The following RBM20 variants were observed in gnomAD, a reference collection of about 807,000 sequenced individuals.
The protein encoded by RBM20 is RNA binding motif protein 20.
A neutral mutation model predicts 110.1 loss-of-function variants in RBM20; 51 were observed. The observed-to-expected ratio is 0.46, with a 90% CI of 0.37 to 0.59. The LOEUF (loss-of-function observed/expected upper bound fraction) is 0.59, where lower values mean the gene tolerates loss of function less well. Ranked by LOEUF, RBM20 falls within the 20% of genes least tolerant of loss-of-function variation. RBM20 has a pLI of 0.00. For synonymous variants in RBM20, 589 were observed against 618.2 expected (o/e 0.95, Z 0.70); for missense variants, 1,512 against 1,574.9 (o/e 0.96, Z 0.68).
chr10:110,768,349 G>A (rs1844138946), intron 1 of RBM20, among the ~76,000 whole-genome samples: 1 of 152,196 alleles, frequency 6.6e-6, no homozygotes, highest in Non-Finnish European at 1.5e-5. Flanking sequence ...TCTGCCTTGG[G>A]CGACATCTGT....
intron 1 of RBM20, among the ~76,000 whole-genome samples, chr10:110,773,255 T>C (rs1216207053): frequency 1.3e-5 from 2 of 152,214 alleles, no homozygotes; most frequent in Non-Finnish European, 2.9e-5. Flanking sequence ...TTTCTATATA[T>C]AGATACAGGC....
At chr10:110,787,438 G>C (rs1191924555) in intron 5 of RBM20, among the ~76,000 whole-genome samples, 1 of 152,206 alleles carries the variant, frequency 6.6e-6, no homozygotes, top group Non-Finnish European at 1.5e-5. Flanking sequence ...CATTTTGGCT[G>C]TGAAGAGTCG....
intron 1 of RBM20, among the ~76,000 whole-genome samples, chr10:110,715,682 G>A (rs1863004723): frequency 6.6e-6 from 1 of 152,236 alleles, no homozygotes; most frequent in African/African-American, 2.4e-5. Context: ...ATTCCTCAGG[G>A]ACTCAGGATG....
intron 1 of RBM20, among the ~76,000 whole-genome samples, chr10:110,769,418 G>C (rs552914711): frequency 6.6e-6 from 1 of 151,312 alleles, no homozygotes; most frequent in African/African-American, 2.4e-5. Context: ...GTAGATGGAG[G>C]TATGCTTTCT....
intron 12 of RBM20, among the ~76,000 whole-genome samples, chr10:110,823,852 G>A (rs1844948736): frequency 1.3e-5 from 2 of 151,584 alleles, no homozygotes; most frequent in Admixed American, 1.3e-4. Flanking sequence ...TGAGAAACTT[G>A]GACAACAGGT....
intron 1 of RBM20, among the ~76,000 whole-genome samples, chr10:110,742,231 C>A (rs1437883304): frequency 6.6e-6 from 1 of 152,222 alleles, no homozygotes; most frequent in Non-Finnish European, 1.5e-5. Flanking sequence ...ACCTCCTCAT[C>A]AGAGGAGCCT....
At chr10:110,681,431 T>C (rs1049939043) in intron 1 of RBM20, among the ~76,000 whole-genome samples, 35 of 152,254 alleles carry the variant, frequency 2.3e-4, no homozygotes, top group Middle Eastern at 3.2e-3. Context: ...GTAAGGTATT[T>C]GTAAAGGCAG....
chr10:110,740,294 T>C (rs1275421695), intron 1 of RBM20, among the ~76,000 whole-genome samples: 1 of 152,216 alleles, frequency 6.6e-6, no homozygotes, highest in Non-Finnish European at 1.5e-5. Context: ...GACCATCTAG[T>C]GTAGGTCAAA....
Sources: allele counts gnomAD v4.1 joint callset (sites outside exome capture counted in the v4.1 genomes callset), GRCh38; gene constraint gnomAD v4.1.1; transcripts MANE v1.5; gene names NCBI Gene and HGNC (gene_info 2026-07-23, HGNC 2026-07-21).